SYT1: variants seen among roughly 807,000 people sequenced by gnomAD.
The protein encoded by SYT1 is synaptotagmin-1.
SYT1 carries 8 observed loss-of-function variants against 44.8 expected under a neutral mutation model. The observed-to-expected ratio is 0.18, with a 90% CI of 0.10 to 0.32. SYT1 has a LOEUF of 0.32. Among genes scored for constraint, SYT1 ranks in the 10% least tolerant of loss-of-function variants. SYT1 has a pLI of 1.00. For missense variants in SYT1, 286 were observed against 509.3 expected, an observed-to-expected ratio of 0.56 and a Z score of 4.22; for synonymous variants, 154 against 188.8, an observed-to-expected ratio of 0.82 and a Z score of 1.51.
At chr12:79,363,758 T>C (rs1389812356) in intron 9 of SYT1, among the ~76,000 whole-genome samples, 1 of 151,876 alleles carries the variant, frequency 6.6e-6, no homozygotes, top group Non-Finnish European at 1.5e-5. Flanking sequence ...AATTGTACTT[T>C]ATTATAATCA....
chr12:79,022,580 GCTT>G (rs1420188086), intron 2 of SYT1, among the ~76,000 whole-genome samples: 4 of 151,394 alleles, frequency 2.6e-5, no homozygotes, highest in South Asian at 4.2e-4. Context: ...ATAATGTCAT[GCTT>G]CTTATTATTT....
intron 9 of SYT1, among the ~76,000 whole-genome samples, chr12:79,405,911 C>G (rs752085203): frequency 6.6e-5 from 10 of 152,086 alleles, no homozygotes; most frequent in Non-Finnish European, 1.3e-4. Flanking sequence ...AAATCCCACT[C>G]AGACTTTCCT....
chr12:78,921,014 G>A (rs1876958322), intron 1 of SYT1, among the ~76,000 whole-genome samples: 1 of 151,718 alleles, frequency 6.6e-6, no homozygotes, highest in South Asian at 2.1e-4. Context: ...GTTTTTTGAA[G>A]GTGAGGCATT....
intron 1 of SYT1, among the ~76,000 whole-genome samples, chr12:78,949,434 A>G (rs911407914): frequency 6.6e-6 from 1 of 151,800 alleles, no homozygotes; most frequent in African/African-American, 2.4e-5. Flanking sequence ...TATTTCCAAG[A>G]AAGTTTAGAA....
intron 1 of SYT1, among the ~76,000 whole-genome samples, chr12:78,876,118 A>C (rs941596907): frequency 2.6e-5 from 4 of 151,684 alleles, no homozygotes; most frequent in Admixed American, 2.0e-4. Flanking sequence ...TTGAAACAAA[A>C]GTAAATAAAC....
At chr12:78,917,121 G>C (rs955433026) in intron 1 of SYT1, among the ~76,000 whole-genome samples, 1 of 151,974 alleles carries the variant, frequency 6.6e-6, no homozygotes, top group African/African-American at 2.4e-5. Context: ...GGAAATAAAA[G>C]AAAGAAAGTT....
chr12:79,374,957 G>A (rs7954401), intron 9 of SYT1, among the ~76,000 whole-genome samples: 3,453 of 152,138 alleles, frequency 0.023, 134 homozygotes, highest in African/African-American at 0.079. Flanking sequence ...ATGGTCTCTC[G>A]CAACTAAATA....
chr12:79,150,286 T>C (rs1317444608), intron 3 of SYT1, among the ~76,000 whole-genome samples: 1 of 152,170 alleles, frequency 6.6e-6, no homozygotes, highest in African/African-American at 2.4e-5. Flanking sequence ...AAAGGGAAAT[T>C]CTGTCATTTG....
intron 4 of SYT1, among the ~76,000 whole-genome samples, chr12:79,237,108 A>G (rs1876235349): frequency 6.6e-6 from 1 of 152,226 alleles, no homozygotes; most frequent in East Asian, 1.9e-4. Context: ...TGAGATAATG[A>G]AAGACTAAAT....
chr12:79,113,658 C>A (rs1313423625), intron 3 of SYT1, among the ~76,000 whole-genome samples: 1 of 152,064 alleles, frequency 6.6e-6, no homozygotes, highest in Admixed American at 6.6e-5. Context: ...CTTCCTTGAA[C>A]ATATATTCAG....
intron 1 of SYT1, among the ~76,000 whole-genome samples, chr12:78,913,799 G>A (rs898036763): frequency 6.6e-6 from 1 of 151,860 alleles, no homozygotes; most frequent in Non-Finnish European, 1.5e-5. Context: ...TATAGATGGT[G>A]AACAAATCAA....
At chr12:78,871,495 G>C (rs1475857155) in intron 1 of SYT1, among the ~76,000 whole-genome samples, 1 of 151,876 alleles carries the variant, frequency 6.6e-6, no homozygotes, top group Non-Finnish European at 1.5e-5. Context: ...TCCTTGCTTA[G>C]CTCCTATGAA....
chr12:79,347,397 T>G (rs544826611), intron 8 of SYT1, among the ~76,000 whole-genome samples: 1 of 152,304 alleles, frequency 6.6e-6, no homozygotes, highest in Non-Finnish European at 1.5e-5. Flanking sequence ...CTCATCCTTG[T>G]TGCCCCATTT....
intron 3 of SYT1, among the ~76,000 whole-genome samples, chr12:79,168,630 T>C (rs1318152620): frequency 1.3e-5 from 2 of 152,050 alleles, no homozygotes; most frequent in African/African-American, 2.4e-5. Flanking sequence ...TTCTGAGGTC[T>C]TTTTCATGAA....
At chr12:79,022,727 C>G (rs1282223165) in intron 2 of SYT1, among the ~76,000 whole-genome samples, 1 of 151,324 alleles carries the variant, frequency 6.6e-6, no homozygotes, top group Non-Finnish European at 1.5e-5. Flanking sequence ...TCTGTAGATG[C>G]AGCTCACACA....
intron 3 of SYT1, among the ~76,000 whole-genome samples, chr12:79,125,451 C>CAAAAAAAAAAAAA (rs61296536): frequency 2.0e-4 from 20 of 99,026 alleles, no homozygotes; most frequent in East Asian, 1.4e-3. Flanking sequence ...ACTGTCTCTA[C>CAAAAAAAAAAAAA]AAAAAAAAAA....
At chr12:78,981,567 A>G (rs921915261) in intron 2 of SYT1, among the ~76,000 whole-genome samples, 1 of 151,970 alleles carries the variant, frequency 6.6e-6, no homozygotes, top group Non-Finnish European at 1.5e-5. Context: ...TGAAGGGAGA[A>G]CTAATGAATC....
At chr12:79,253,850 G>A (rs1877367997) in intron 4 of SYT1, among the ~76,000 whole-genome samples, 1 of 152,146 alleles carries the variant, frequency 6.6e-6, no homozygotes, top group African/African-American at 2.4e-5. Flanking sequence ...TCAGATAGAA[G>A]GTCAAACTAG....
intron 6 of SYT1, among the ~76,000 whole-genome samples, chr12:79,294,372 G>C (rs1879779071): frequency 6.6e-6 from 1 of 151,934 alleles, no homozygotes. Flanking sequence ...CAGTTAATTT[G>C]ATTTATAAAG....
Sources: gnomAD v4.1 joint callset for allele counts (sites outside exome capture counted in the v4.1 genomes callset) on GRCh38, gnomAD v4.1.1 for gene constraint, MANE v1.5 for transcripts, NCBI Gene and HGNC (gene_info 2026-07-23, HGNC 2026-07-21) for gene names.